DRC2: variants seen among roughly 807,000 people sequenced by gnomAD.
DRC2 encodes dynein regulatory complex subunit 2, also known as coiled-coil domain containing 65.
At chr12:48,916,044 C>T in the DRC2 span, among the ~76,000 whole-genome samples, 94 of 150,574 alleles carry the variant, frequency 6.2e-4, no homozygotes, top group Non-Finnish European at 1.1e-3. Flanking sequence ...GATGTGATGG[C>T]GGCCGGGAAG....
the DRC2 span, among the ~76,000 whole-genome samples, chr12:48,915,692 G>A: frequency 3.3e-5 from 5 of 152,036 alleles, no homozygotes; most frequent in African/African-American, 9.7e-5. Context: ...GGGCGGCCGG[G>A]CAGAGGGGCT....
At chr12:48,907,281 T>C in the DRC2 span, among the ~76,000 whole-genome samples, 1 of 152,274 alleles carries the variant, frequency 6.6e-6, no homozygotes, top group South Asian at 2.1e-4. Context: ...TAGTGTTCCA[T>C]TATTGGAATG....
the DRC2 span, chr12:48,914,260 C>T: frequency 1.2e-6 from 1 of 803,646 alleles, no homozygotes; most frequent in South Asian, 2.0e-5. Context: ...TCTTGCTTTA[C>T]ACAAGAGTGA....
chr12:48,913,404 AG>A, the DRC2 span, among the ~76,000 whole-genome samples: 1 of 151,654 alleles, frequency 6.6e-6, no homozygotes, highest in Non-Finnish European at 1.5e-5. Context: ...CCCGGGTTCA[AG>A]CGATTTTCCC....
chr12:48,917,480 G>A, the DRC2 span, among the ~76,000 whole-genome samples: 1 of 151,564 alleles, frequency 6.6e-6, no homozygotes, highest in African/African-American at 2.4e-5. Context: ...ATTAAAAAAA[G>A]AAAAAAAGAA....
chr12:48,904,470 T>C, the DRC2 span: 2 of 1,613,806 alleles, frequency 1.2e-6, no homozygotes, highest in South Asian at 2.2e-5. Flanking sequence ...TTCTTGAAGG[T>C]GATGGCCTTT....
At chr12:48,921,239 C>A in the DRC2 span, 8 of 1,614,184 alleles carry the variant, frequency 5.0e-6, no homozygotes, top group Non-Finnish European at 5.9e-6. Context: ...AGCAACTGAG[C>A]CTCCAACATA....
At chr12:48,915,849 AGCT>A in the DRC2 span, among the ~76,000 whole-genome samples, 1 of 142,414 alleles carries the variant, frequency 7.0e-6, no homozygotes, top group African/African-American at 2.7e-5. Context: ...CAGACGGGGC[AGCT>A]GCCGGGCGGA....
chr12:48,921,517 A>ATTTTT, the DRC2 span: 1 of 1,387,670 alleles, frequency 7.2e-7, no homozygotes, highest in Non-Finnish European at 9.5e-7. Flanking sequence ...ACTCCTAGAG[A>ATTTTT]TTTTTTTTTT....
the DRC2 span, among the ~76,000 whole-genome samples, chr12:48,916,099 GCTC>G: frequency 7.2e-6 from 1 of 139,416 alleles, no homozygotes; most frequent in African/African-American, 2.6e-5. Context: ...AGGCAGAGAC[GCTC>G]CTCACTTTCC....
At chr12:48,908,604 A>ATTATTTAT in the DRC2 span, among the ~76,000 whole-genome samples, 3,216 of 110,818 alleles carry the variant, frequency 0.029, 46 homozygotes, top group East Asian at 0.057. Flanking sequence ...TATTATTATT[A>ATTATTTAT]TTATTTATTT....
chr12:48,912,893 T>G, the DRC2 span, among the ~76,000 whole-genome samples: 1 of 151,756 alleles, frequency 6.6e-6, no homozygotes, highest in Non-Finnish European at 1.5e-5. Flanking sequence ...ATCCCAGAAC[T>G]TTGGGAGGCC....
At chr12:48,904,475 G>A in the DRC2 span, 1 of 1,613,556 alleles carries the variant, frequency 6.2e-7, no homozygotes. Flanking sequence ...GAAGGTGATG[G>A]CCTTTTGCAT....
chr12:48,904,842 C>A, the DRC2 span: 1 of 969,142 alleles, frequency 1.0e-6, no homozygotes, highest in Non-Finnish European at 1.5e-6. Context: ...TCAGGCCGTT[C>A]CCATCGAAAA....
At chr12:48,920,553 G>A in the DRC2 span, among the ~76,000 whole-genome samples, 3 of 136,342 alleles carry the variant, frequency 2.2e-5, no homozygotes, top group Non-Finnish European at 4.6e-5. Context: ...ACAGGGTCTC[G>A]CTCAGTTGCC....
chr12:48,914,064 G>C, the DRC2 span, among the ~76,000 whole-genome samples: 1 of 116,808 alleles, frequency 8.6e-6, no homozygotes, highest in Non-Finnish European at 1.7e-5. Flanking sequence ...TGAGTAGCTG[G>C]GATTACGGCC....
chr12:48,912,437 CA>C, the DRC2 span, among the ~76,000 whole-genome samples: 204 of 45,354 alleles, frequency 4.5e-3, 2 homozygotes, highest in African/African-American at 0.017. Flanking sequence ...GACGCCGTCT[CA>C]AAAAAAAAAA....
the DRC2 span, among the ~76,000 whole-genome samples, chr12:48,917,625 A>C: frequency 6.6e-6 from 1 of 152,288 alleles, no homozygotes; most frequent in East Asian, 1.9e-4. Flanking sequence ...GGACCATTCT[A>C]AATTGTCAAG....
the DRC2 span, among the ~76,000 whole-genome samples, chr12:48,913,988 G>A: frequency 6.7e-6 from 1 of 148,188 alleles, no homozygotes; most frequent in African/African-American, 2.5e-5. Flanking sequence ...GGAGTGTAGT[G>A]GCATGATCAC....
Sources: allele counts gnomAD v4.1 joint callset (sites outside exome capture counted in the v4.1 genomes callset), GRCh38; gene constraint gnomAD v4.1.1; transcripts MANE v1.5; gene names NCBI Gene and HGNC (gene_info 2026-07-23, HGNC 2026-07-21).